MESP1: variants seen among roughly 807,000 people sequenced by gnomAD.
The protein encoded by MESP1 is mesoderm posterior protein 1.
In MESP1, 22 loss-of-function variants were observed where a neutral mutation model predicts 15.2. That is an observed-to-expected ratio of 1.45 (90% CI 1.04 to 2.07). The LOEUF is 2.07. Among genes scored for constraint, MESP1 ranks in the 30% most tolerant of loss-of-function variants. MESP1 has a pLI of 0.00. For synonymous variants in MESP1, 216 were observed against 192.6 expected (o/e 1.12, Z -1.01); for missense variants, 484 against 411.9 (o/e 1.17, Z -1.51).
downstream of MESP1, among the ~76,000 whole-genome samples, chr15:89,747,710 C>T (rs1967998783): frequency 6.6e-6 from 1 of 152,208 alleles, no homozygotes; most frequent in African/African-American, 2.4e-5. Context: ...ACAGCCGGGT[C>T]CAGATCCCAA....
chr15:89,750,260 A>C (rs758757646), intron 1 of MESP1, 33 bp from the exon 2 acceptor site: 1 of 1,603,358 alleles, frequency 6.2e-7, no homozygotes, highest in Non-Finnish European at 8.5e-7. Context: ...GCAGCCCTCA[A>C]GCACTGGTGG....
intron 1 of MESP1, 130 bp downstream of exon 1, chr15:89,750,379 G>A: frequency 6.8e-7 from 1 of 1,467,006 alleles, no homozygotes; most frequent in Non-Finnish European, 9.0e-7. Context: ...TGGAGCCCTG[G>A]GCATACTATG....
chr15:89,750,192 G>T lies in MESP1; in HGVS notation c.759C>A (p.Thr253=). Residue 253 remains threonine, a synonymous_variant, in exon 2 of 2, where the codon ACC becomes ACA. Transcript: ENST00000300057. ...ACTCCAGAGGCGAGAGGGGCATCCAGGTCTCCAACAGAGCCAGCACGTCGC... is the reference window on the plus strand; with the variant it reads ...ACTCCAGAGGCGAGAGGGGCATCCATGTCTCCAACAGAGCCAGCACGTCGC... ...LPGDVLALLE[T]WMPLSPLEWL... 6.2e-7 allele frequency: 1 copy of T among 1,614,098 alleles called. No individual in the cohort carries two copies. The highest frequency in any genetic ancestry group is 8.5e-7 in the Non-Finnish European group (1 of 1,180,030).
In MESP1 at chr15:89,751,205, G is replaced by A; in HGVS notation, c.27C>T (p.Leu9=). The part of the protein sequence containing the change: MAQPLCPP[L]SESWMLSAAW... Reference sequence around the variant, plus strand: ...CCGCAGAGAGCATCCAGGACTCGGAGAGCGGCGGGCACAGGGGCTGGGCCA... The same window carrying A: ...CCGCAGAGAGCATCCAGGACTCGGAAAGCGGCGGGCACAGGGGCTGGGCCA... Residue 9 remains leucine (L), a synonymous_variant, in exon 1 of 2, where the codon CTC becomes CTT. Transcript: ENST00000300057. The A allele has an allele frequency of 6.4e-6, 8 of 1,253,958 alleles. No homozygotes were observed. Among genetic ancestry groups the A allele is most frequent in the Non-Finnish European group, 8.0e-6 (8 of 1,000,854 alleles). 77.7% of individuals were successfully genotyped at this position (1,253,958 alleles called of 1,614,324 possible). A position where few individuals can be genotyped will look rare whatever the true frequency, so the allele number is the denominator to read the frequency against.
At chr15:89,741,973 G>A in the MESP1 span, among the ~76,000 whole-genome samples, 1 of 152,122 alleles carries the variant, frequency 6.6e-6, no homozygotes, top group Non-Finnish European at 1.5e-5. Context: ...GGATGGTATC[G>A]ATCTCTTGAC....
chr15:89,732,782 C>T, the MESP1 span, among the ~76,000 whole-genome samples: 1 of 152,092 alleles, frequency 6.6e-6, no homozygotes, highest in East Asian at 1.9e-4. Flanking sequence ...TCTTGCTTCT[C>T]CCCCTCCCCA....
the MESP1 span, among the ~76,000 whole-genome samples, chr15:89,741,101 T>C: frequency 1.3e-5 from 2 of 152,018 alleles, no homozygotes; most frequent in Non-Finnish European, 2.9e-5. Flanking sequence ...GATCATGCCA[T>C]TGCACTCCAG....
In MESP1 at chr15:89,749,953, C is replaced by T. The variant is rs368717151; in HGVS notation, c.*191G>A. 1.6e-6 allele frequency: 1 copy of T among 617,094 alleles called. No individual in the cohort carries two copies. The highest frequency in any genetic ancestry group is 2.9e-6 in the Non-Finnish European group (1 of 340,686). 38.2% of individuals were successfully genotyped at this position (617,094 alleles called of 1,614,324 possible). On this transcript the variant is annotated 3_prime_UTR_variant, in exon 2 of 2. Coordinates refer to ENST00000300057, the MANE Select transcript of MESP1 (RefSeq NM_018670.4). Reference sequence around the variant, plus strand: ...CCTGCTTGCCTCAAAGTGTCTAGCCCTATGGGTCCCTCCATGGAGGGAGGG... The same window carrying T: ...CCTGCTTGCCTCAAAGTGTCTAGCCTTATGGGTCCCTCCATGGAGGGAGGG...
At chr15:89,733,989 T>C in the MESP1 span, among the ~76,000 whole-genome samples, 1 of 150,942 alleles carries the variant, frequency 6.6e-6, no homozygotes, top group Non-Finnish European at 1.5e-5. Flanking sequence ...AATGAACCTG[T>C]ATAATGTGTG....
the MESP1 span, among the ~76,000 whole-genome samples, chr15:89,734,032 C>CGT: frequency 0.013 from 1,984 of 151,488 alleles, 17 homozygotes; most frequent in Non-Finnish European, 0.019. Flanking sequence ...CATGTGTGTA[C>CGT]GTGTGTGTGT....
At position 89,751,218 on chromosome 15, in the gene MESP1, A is replaced by G; in HGVS notation, c.14T>C (p.Leu5Pro). 1 of 1,246,330 alleles carries G rather than the reference A, an allele frequency of 8.0e-7. No homozygotes were observed. Among genetic ancestry groups the G allele is most frequent in the Non-Finnish European group, 1.0e-6 (1 of 996,752 alleles). The allele number at this position is 1,246,330 out of a possible 1,614,324, so 77.2% of individuals were successfully genotyped here. A position where few individuals can be genotyped will look rare whatever the true frequency, so the allele number is the denominator to read the frequency against. ...CCAGGACTCGGAGAGCGGCGGGCAC[A>G]GGGGCTGGGCCATGGCAGCGGCGGC... MAQP[L>P]CPPLSESWML... is the part of the protein sequence containing the mutation. The change falls in exon 1 of 2, where the codon CTG (leucine) becomes CCG (proline). Residue 5 changes from leucine (L) to proline (P), a missense_variant. Transcript: ENST00000300057.
the MESP1 span, among the ~76,000 whole-genome samples, chr15:89,737,059 G>A: frequency 6.6e-6 from 1 of 152,194 alleles, no homozygotes; most frequent in Non-Finnish European, 1.5e-5. Context: ...CCAAAGTGCT[G>A]GGATTACAGG....
chr15:89,743,070 C>T, the MESP1 span, among the ~76,000 whole-genome samples: 3 of 152,230 alleles, frequency 2.0e-5, no homozygotes, highest in Admixed American at 1.3e-4. Flanking sequence ...TGTCTACCCA[C>T]ATGCACCTCA....
chr15:89,732,927 T>G, the MESP1 span: 1 of 1,343,806 alleles, frequency 7.4e-7, no homozygotes, highest in South Asian at 1.2e-5. Flanking sequence ...CCTCACACAC[T>G]TGCTGGTCAC....
At chr15:89,736,617 G>C in the MESP1 span, among the ~76,000 whole-genome samples, 2 of 152,042 alleles carry the variant, frequency 1.3e-5, no homozygotes, top group African/African-American at 4.8e-5. Flanking sequence ...AGAGTCTAAA[G>C]AAAGTGAGAG....
chr15:89,736,547 A>G, the MESP1 span, among the ~76,000 whole-genome samples: 1 of 152,086 alleles, frequency 6.6e-6, no homozygotes, highest in Non-Finnish European at 1.5e-5. Context: ...ATCAGTTCAC[A>G]AAGTGACCGT....
At chr15:89,742,076 C>T in the MESP1 span, among the ~76,000 whole-genome samples, 1 of 151,782 alleles carries the variant, frequency 6.6e-6, no homozygotes, top group African/African-American at 2.4e-5. Flanking sequence ...AGATAGCATT[C>T]ACCATTTTTG....
At chr15:89,740,480 C>T in the MESP1 span, among the ~76,000 whole-genome samples, 1 of 152,062 alleles carries the variant, frequency 6.6e-6, no homozygotes, top group Non-Finnish European at 1.5e-5. Flanking sequence ...CTATTCTTCA[C>T]AGGGAGGGTT....
chr15:89,739,051 G>A, the MESP1 span, among the ~76,000 whole-genome samples: 1 of 151,706 alleles, frequency 6.6e-6, no homozygotes, highest in Non-Finnish European at 1.5e-5. Flanking sequence ...GGGAGGCAGA[G>A]GATGCAGTGA....
Sources: allele counts gnomAD v4.1 joint callset (sites outside exome capture counted in the v4.1 genomes callset), GRCh38; gene constraint gnomAD v4.1.1; transcripts MANE v1.5; gene names NCBI Gene and HGNC (gene_info 2026-07-23, HGNC 2026-07-21).